RPF2: variants seen among roughly 807,000 people sequenced by gnomAD.
The protein encoded by RPF2 is brix domain containing 1.
A neutral mutation model predicts 38.9 loss-of-function variants in RPF2; 21 were observed. The ratio of observed to expected loss-of-function variants is 0.54; its 90% CI spans 0.38 to 0.78. RPF2 has a LOEUF of 0.78. RPF2 is among the 30% of genes least tolerant of loss of function. The pLI, the probability that RPF2 is intolerant of heterozygous loss-of-function variation, is 0.00. For missense variants in RPF2, 314 were observed against 358.1 expected, an observed-to-expected ratio of 0.88 and a Z score of 0.99; for synonymous variants, 121 against 126.2, an observed-to-expected ratio of 0.96 and a Z score of 0.28.
chr6:111,007,907 A>G (rs1771942405), intron 6 of RPF2, 131 bp from the exon 7 acceptor site: 1 of 1,069,810 alleles, frequency 9.3e-7, no homozygotes, highest in Non-Finnish European at 1.2e-6. Context: ...AGATTGTGCC[A>G]CTGCACTCCA....
intron 4 of RPF2, 74 bp from the exon 5 acceptor site, chr6:110,997,107 TAA>T: frequency 2.1e-6 from 2 of 948,846 alleles, no homozygotes; most frequent in Non-Finnish European, 3.3e-6. Context: ...GGCCTGAAGG[TAA>T]GATTTTTAAA....
At chr6:111,015,703 AT>A (rs770396481) in intron 7 of RPF2, 50 bp from the exon 8 acceptor site, 2 of 1,272,992 alleles carry the variant, frequency 1.6e-6, no homozygotes, top group East Asian at 2.3e-5. Flanking sequence ...TTGTAACTGA[AT>A]TTTGCAAGTA....
chr6:110,983,475 G>C (rs1035218710), intron 1 of RPF2, among the ~76,000 whole-genome samples: 3 of 152,038 alleles, frequency 2.0e-5, no homozygotes, highest in Admixed American at 1.3e-4. Flanking sequence ...AGCCTGCTGA[G>C]TAGCTGGGAC....
At chr6:110,991,120 C>T (rs1357416497) in intron 3 of RPF2, among the ~76,000 whole-genome samples, 1 of 152,094 alleles carries the variant, frequency 6.6e-6, no homozygotes, top group Admixed American at 6.6e-5. Context: ...AACCCACACA[C>T]TTCCTCCTGT....
At chr6:110,985,233 T>G in intron 2 of RPF2, 95 bp downstream of exon 2, 1 of 1,107,038 alleles carries the variant, frequency 9.0e-7, no homozygotes, top group Non-Finnish European at 1.3e-6. Flanking sequence ...GTAGATAAGC[T>G]TGCCTTACCA....
intron 5 of RPF2, among the ~76,000 whole-genome samples, chr6:110,999,121 T>G (rs1771769694): frequency 1.3e-5 from 2 of 152,076 alleles, no homozygotes; most frequent in African/African-American, 4.8e-5. Context: ...AAATTCTGGT[T>G]TAAATGGGAA....
chr6:111,025,991 G>A lies in RPF2; in HGVS notation c.*409G>A, dbSNP rs76565923. 1.3e-5 allele frequency: 2 copies of A among 151,854 alleles called. No individual in the cohort carries two copies. The highest frequency in any genetic ancestry group is 4.9e-5 in the African/African-American group (2 of 40,684). 9.4% of individuals were successfully genotyped at this position (151,854 alleles called of 1,614,324 possible). ...AAAGTTAACCTCCTCTCCCAACATG[G>A]ATCTACATTCTGATTTTTATTTTCT... is the stretch of plus-strand genomic sequence containing the variant. On this transcript the variant is annotated 3_prime_UTR_variant, in exon 10 of 10. Transcript: ENST00000441448.
At position 110,985,143 on chromosome 6, in the gene RPF2, G is replaced by A; in HGVS notation, c.156+5G>A. On this transcript the variant is annotated splice_donor_5th_base_variant and intron_variant, in intron 2 of 9. Transcript: ENST00000441448. ...ACAAAAGTACTTAAAGATGTGGTAA[G>A]TATATATACTTAATCTTTAAAAGGT... 6.2e-7 allele frequency: 1 copy of A among 1,604,664 alleles called. No individual in the cohort carries two copies. Among genetic ancestry groups the A allele is most frequent in the Non-Finnish European group, 8.5e-7 (1 of 1,175,362 alleles).
chr6:110,988,611 G>GT (rs1338473512), intron 2 of RPF2, among the ~76,000 whole-genome samples: 2 of 151,874 alleles, frequency 1.3e-5, no homozygotes, highest in African/African-American at 4.8e-5. Context: ...AATTTTTGCA[G>GT]TTTTTTGTAG....
chr6:110,984,720 A>G (rs1486135733), intron 1 of RPF2, among the ~76,000 whole-genome samples: 1 of 151,992 alleles, frequency 6.6e-6, no homozygotes, highest in Non-Finnish European at 1.5e-5. Context: ...TGTGCCTGTA[A>G]TTCTAGCTAC....
Position 110,992,445 on chromosome 6 carries a change from C to CT in RPF2, c.234+674dup, listed in dbSNP as rs56993092. Among the ~76,000 whole-genome samples the CT allele has an allele frequency of 2.2e-3, 314 of 141,462 alleles. 2 individuals carry two copies. The highest frequency in any genetic ancestry group is 6.7e-3 in the East Asian group (33 of 4,912). 92.8% of individuals were successfully genotyped at this position (141,462 alleles called of 152,430 possible). ...ATGACTCTTCCTTCAGATGTTTTTA[C>CT]TTTTTTTTTTTTTTTGAAGCTTGGG... On this transcript the variant is annotated intron_variant, in intron 4 of 9. Transcript: ENST00000441448.
chr6:111,012,755 C>T (rs926053379), intron 7 of RPF2, among the ~76,000 whole-genome samples: 19 of 152,090 alleles, frequency 1.2e-4, no homozygotes, highest in African/African-American at 4.3e-4. Context: ...CTGCAACCTC[C>T]GCATCAGCTG....
intron 7 of RPF2, among the ~76,000 whole-genome samples, chr6:111,013,248 A>G (rs916640685): frequency 1.3e-5 from 2 of 152,234 alleles, no homozygotes; most frequent in African/African-American, 2.4e-5. Context: ...CACTTTGCAT[A>G]ATAGGTGCTC....
At chr6:110,991,949 A>G (rs1004616912) in intron 4 of RPF2, among the ~76,000 whole-genome samples, 163 bp downstream of exon 4, 3 of 152,200 alleles carry the variant, frequency 2.0e-5, no homozygotes, top group African/African-American at 7.2e-5. Flanking sequence ...AAATATCTAT[A>G]GAGCTTTCAT....
chr6:111,019,569 G>A (rs530268265), intron 8 of RPF2, among the ~76,000 whole-genome samples: 7 of 151,866 alleles, frequency 4.6e-5, no homozygotes, highest in South Asian at 2.1e-4. Context: ...TAACACCGTC[G>A]CTACTAAAAA....
chr6:111,006,990 G>A (rs1214433392), intron 6 of RPF2, among the ~76,000 whole-genome samples: 7 of 152,038 alleles, frequency 4.6e-5, no homozygotes, highest in Admixed American at 2.0e-4. Flanking sequence ...GCGGTGAGCC[G>A]AGATAGCGCC....
At chr6:110,982,236 C>T (rs1771444657) in intron 1 of RPF2, 107 bp downstream of exon 1, 4 of 1,302,774 alleles carry the variant, frequency 3.1e-6, no homozygotes, top group Non-Finnish European at 4.4e-6. Context: ...CCTCTAATTA[C>T]CTGGGTGGGG....
intron 8 of RPF2, among the ~76,000 whole-genome samples, chr6:111,021,215 T>TAATA (rs147732167): frequency 0.03 from 4,497 of 152,202 alleles, 106 homozygotes; most frequent in Middle Eastern, 0.058. Flanking sequence ...AGTGTAACTA[T>TAATA]AATACATAGA....
In RPF2 at chr6:110,988,972, T is replaced by C. The variant is rs779931298; in HGVS notation, c.157-56T>C. Reference sequence around the variant, plus strand: ...AGTGACTGTTATGATGCTTTATTTTTATTTCTGCTTTTCAGAATGTGTTTT... The same window carrying C: ...AGTGACTGTTATGATGCTTTATTTTCATTTCTGCTTTTCAGAATGTGTTTT... On this transcript the variant is annotated intron_variant, in intron 2 of 9. Coordinates refer to ENST00000441448, the MANE Select transcript of RPF2 (RefSeq NM_032194.3). The C allele has an allele frequency of 3.6e-5, 57 of 1,564,398 alleles. No homozygotes were observed. In the South Asian group the frequency reaches 6.4e-4, roughly 18 times the overall value.
Sources: gnomAD v4.1 joint callset for allele counts (sites outside exome capture counted in the v4.1 genomes callset) on GRCh38, gnomAD v4.1.1 for gene constraint, MANE v1.5 for transcripts, NCBI Gene and HGNC (gene_info 2026-07-23, HGNC 2026-07-21) for gene names.